The following PGBD1 variants were observed in gnomAD, a reference collection of about 807,000 sequenced individuals.
PGBD1 encodes the protein piggyBac transposable element-derived protein 1.
PGBD1 carries 25 observed loss-of-function variants against 34.7 expected under a neutral mutation model. The observed-to-expected ratio is 0.72, with a 90% CI of 0.52 to 1.00. PGBD1 has a LOEUF of 1.00. Ranked by LOEUF, PGBD1 falls within the 50% of genes least tolerant of loss-of-function variation. The pLI, the probability that PGBD1 is intolerant of heterozygous loss-of-function variation, is 0.00. For missense variants in PGBD1, 830 were observed against 959.4 expected, an observed-to-expected ratio of 0.87 and a Z score of 1.78; for synonymous variants, 292 against 335.7, an observed-to-expected ratio of 0.87 and a Z score of 1.42.
intron 4 of PGBD1, among the ~76,000 whole-genome samples, chr6:28,294,151 A>G (rs973526871): frequency 2.6e-5 from 4 of 152,232 alleles, no homozygotes; most frequent in African/African-American, 9.6e-5. Flanking sequence ...TGGTTTGGAT[A>G]GAAGATCACA....
rs923310116 is a variant in PGBD1, at chr6:28,300,290, C to T, written c.870-434C>T. On this transcript the variant is annotated intron_variant, in intron 6 of 6. Transcript: ENST00000682144. The surrounding 1 kb of genome is among the most constrained non-coding windows in gnomAD (Gnocchi z 4.0). ...GTAAAATAGATGGTTCTGGAAACCT[C>T]AGTTTCTTACTGACAGAAGTTAGAC... Among the ~76,000 whole-genome samples, 5 of 152,282 alleles carry T rather than the reference C, an allele frequency of 3.3e-5. No individual in the cohort carries two copies. The East Asian group carries it at 7.7e-4, about 23-fold the overall frequency.
chr6:28,284,251 G>A, intron 2 of PGBD1, 42 bp downstream of exon 2: 1 of 1,451,232 alleles, frequency 6.9e-7, no homozygotes, highest in African/African-American at 1.4e-5. Context: ...GAAGAAAAGG[G>A]GGACATGTAT....
intron 6 of PGBD1, among the ~76,000 whole-genome samples, chr6:28,298,430 T>G (rs1305574155): frequency 6.6e-6 from 1 of 152,062 alleles, no homozygotes; most frequent in Non-Finnish European, 1.5e-5. Context: ...TTCCAAAATC[T>G]GAGCTGTTTG....
chr6:28,301,613 CAAG>C lies in PGBD1; in HGVS notation c.1765_1767del (p.Glu589del), dbSNP rs1561893389. ...TTATCTGGTTTGGTTTGAACCCTAT[CAAG>C]AAGAATCAACTATGAAGGTAGATGA... is the stretch of plus-strand genomic sequence containing the variant. On this transcript the variant is annotated inframe_deletion, in exon 7 of 7. Transcript: ENST00000682144. The C allele has an allele frequency of 6.2e-7, 1 of 1,614,096 alleles. No homozygotes were observed. Among genetic ancestry groups the C allele is most frequent in the South Asian group, 1.1e-5 (1 of 91,078 alleles).
chr6:28,287,262 C>T (rs1762315923), intron 4 of PGBD1, 94 bp downstream of exon 4: 4 of 1,078,046 alleles, frequency 3.7e-6, no homozygotes, highest in Admixed American at 1.8e-5. Flanking sequence ...CACTCATCAT[C>T]GTGAGAGCCA....
chr6:28,287,267 G>A, intron 4 of PGBD1, 99 bp downstream of exon 4: 1 of 1,000,774 alleles, frequency 1.0e-6, no homozygotes. Flanking sequence ...ATCATCGTGA[G>A]AGCCATTCAG....
chr6:28,298,859 C>T (rs941239709), intron 6 of PGBD1, among the ~76,000 whole-genome samples: 1 of 151,998 alleles, frequency 6.6e-6, no homozygotes, highest in African/African-American at 2.4e-5. Context: ...AAATCACAAG[C>T]AGAGGGTTGG....
intron 4 of PGBD1, among the ~76,000 whole-genome samples, chr6:28,293,987 G>A (rs201776624): frequency 2.0e-5 from 3 of 152,228 alleles, no homozygotes; most frequent in East Asian, 1.9e-4. Flanking sequence ...GTTGAAAGCC[G>A]AGATAGGCCA....
chr6:28,285,483 A>G (rs1762257342), intron 2 of PGBD1, 68 bp from the exon 3 acceptor site: 5 of 1,492,942 alleles, frequency 3.3e-6, no homozygotes, highest in South Asian at 1.3e-5. Flanking sequence ...AGCATGTAGA[A>G]CAGTGCCAGG....
chr6:28,287,097 T>C lies in PGBD1; in HGVS notation c.571T>C (p.Ser191Pro). The C allele has an allele frequency of 6.2e-7, 1 of 1,613,986 alleles. No individual in the cohort carries two copies. The highest frequency in any genetic ancestry group is 1.6e-4 in the Middle Eastern group (1 of 6,062). Residue 191 changes from serine to proline, a missense_variant, in exon 4 of 7, where the codon TCA becomes CCA. Physicochemically the swap from Ser to Pro is moderately conservative, Grantham distance 74. Around this residue, in one of 3 missense-constraint regions of PGBD1, gnomAD observed 457 missense variants for 515.4 expected, o/e 0.89. Coordinates refer to ENST00000682144, the MANE Select transcript of PGBD1 (RefSeq NM_032507.4). Reference sequence around the variant, plus strand: ...CTCTGCAGGGCCTGTTCCCCACGGATCAGCTCATCTCCAGGAAAAAAACCC... The same window carrying C: ...CTCTGCAGGGCCTGTTCCCCACGGACCAGCTCATCTCCAGGAAAAAAACCC... ...QEVSGPVPHGSAHLQEKNPRD... is the reference protein window; with the variant it reads ...QEVSGPVPHGPAHLQEKNPRD...
At chr6:28,297,844 T>A (rs770136245) in intron 5 of PGBD1, 51 bp from the exon 6 acceptor site, 5 of 325,152 alleles carry the variant, frequency 1.5e-5, no homozygotes, top group East Asian at 5.4e-5. Context: ...TTTTTTTTTT[T>A]TCAAAATTCA....
At chr6:28,282,336 A>G (rs1442528011) in intron 1 of PGBD1, among the ~76,000 whole-genome samples, 2 of 144,986 alleles carry the variant, frequency 1.4e-5, no homozygotes, top group African/African-American at 5.5e-5. Flanking sequence ...TGATTGAGTG[A>G]CAAACAAATC....
intron 4 of PGBD1, among the ~76,000 whole-genome samples, chr6:28,287,547 T>G (rs1316922794): frequency 6.6e-6 from 1 of 152,184 alleles, no homozygotes; most frequent in Non-Finnish European, 1.5e-5. Flanking sequence ...CTCACACTAC[T>G]TTATATTCAG....
chr6:28,300,928 AT>A lies in PGBD1; in HGVS notation c.1076del (p.Phe359SerfsTer22). 1 of 1,614,156 alleles carries A rather than the reference AT, an allele frequency of 6.2e-7. No individual in the cohort carries two copies. On this transcript the variant is annotated frameshift_variant, in exon 7 of 7. Transcript: ENST00000682144. LOFTEE classifies it low-confidence loss of function (END_TRUNC). The surrounding 1 kb of genome is among the most constrained non-coding windows in gnomAD (Gnocchi z 4.0). Reference protein sequence around the residue: ...RVSELLQGLSFSGDSDVEKDN... With the variant: ...RVSELLQGLSXSGDSDVEKDN... The stretch of plus-strand genomic sequence containing the variant: ...TGAGTGAACTGCTCCAAGGCCTCTC[AT>A]TCTCTGGTGACTCAGATGTGGAAAA...
chr6:28,300,997 G>A lies in PGBD1; in HGVS notation c.1143G>A (p.Lys381=), dbSNP rs1425517655. Residue 381 remains lysine (K), a synonymous_variant, in exon 7 of 7, where the codon AAG becomes AAA. Transcript: ENST00000682144. This position sits in a 1 kb window ranked among gnomAD's most constrained non-coding sequence, Gnocchi z 4.0. ...PEIQPAQKKL[K]VSCFPEKSWT... is the part of the protein sequence containing the mutation. ...TCCAGCCTGCTCAAAAGAAGTTAAA[G>A]GTATCATGTTTCCCAGAAAAGAGTT... 6.2e-7 allele frequency: 1 copy of A among 1,614,108 alleles called. No individual in the cohort carries two copies. The highest frequency in any genetic ancestry group is 1.1e-5 in the South Asian group (1 of 91,084).
At chr6:28,287,216 C>G in intron 4 of PGBD1, 48 bp downstream of exon 4, 1 of 1,462,448 alleles carries the variant, frequency 6.8e-7, no homozygotes, top group Non-Finnish European at 9.6e-7. Flanking sequence ...TGGTCTTTCT[C>G]CCTCATTCCA....
chr6:28,301,118 CT>C lies in PGBD1; in HGVS notation c.1269del (p.Phe423LeufsTer12), dbSNP rs1314081279. The C allele has an allele frequency of 1.2e-5, 20 of 1,614,134 alleles. No individual in the cohort carries two copies. Among genetic ancestry groups the C allele is most frequent in the Non-Finnish European group, 1.6e-5 (19 of 1,180,034 alleles). On this transcript the variant is annotated frameshift_variant, in exon 7 of 7. Transcript: ENST00000682144. LOFTEE classifies it low-confidence loss of function (END_TRUNC). The part of the protein sequence containing the change: ...LKSEKLNPVE[L>X]FELFFDDETF... ...GAGCGAAAAGTTGAACCCAGTAGAG[CT>C]TTTTGAATTATTTTTTGATGATGAA...
chr6:28,292,172 C>T (rs1229728043), intron 4 of PGBD1, among the ~76,000 whole-genome samples: 1 of 151,932 alleles, frequency 6.6e-6, no homozygotes, highest in Non-Finnish European at 1.5e-5. Flanking sequence ...TCTTATACCT[C>T]GAAAAACCTG....
intron 4 of PGBD1, among the ~76,000 whole-genome samples, chr6:28,287,441 T>C (rs1315384270): frequency 6.6e-6 from 1 of 152,226 alleles, no homozygotes; most frequent in Non-Finnish European, 1.5e-5. Flanking sequence ...GGCTCCTGGT[T>C]TCAGAAAGTG....
Sources: gnomAD v4.1 joint callset for allele counts (sites outside exome capture counted in the v4.1 genomes callset) on GRCh38, gnomAD v4.1.1 for gene constraint, gnomAD v4.1.1 regional missense constraint, Gnocchi (gnomAD v3.1) non-coding constraint, MANE v1.5 for transcripts, NCBI Gene and HGNC (gene_info 2026-07-23, HGNC 2026-07-21) for gene names.